CTNNA3: variants seen among roughly 807,000 people sequenced by gnomAD.
CTNNA3 encodes catenin alpha-3.
Under a neutral mutation model 95.7 loss-of-function variants are expected in CTNNA3, and 76 were observed. That is an observed-to-expected ratio of 0.79 (90% confidence interval 0.66 to 0.96). The LOEUF (loss-of-function observed/expected upper bound fraction) is 0.96. CTNNA3 is among the 40% of genes least tolerant of loss of function. The probability of loss-of-function intolerance (pLI) is 0.00; values close to 1 mark genes in which losing one functional copy is unlikely to be tolerated. For synonymous variants in CTNNA3, 431 were observed against 374.4 expected (o/e 1.15, Z -1.74); for missense variants, 1,191 against 1,089.8 (o/e 1.09, Z -1.31).
In CTNNA3 at chr10:67,358,713, C is replaced by T. The variant is rs549352048; in HGVS notation, c.580-138843G>A. Among the ~76,000 whole-genome samples the T allele has an allele frequency of 1.3e-3, 196 of 152,226 alleles. 1 individual carries two copies. The highest frequency in any genetic ancestry group is 4.5e-3 in the African/African-American group (189 of 41,556). On this transcript the variant is annotated intron_variant, in intron 5 of 17. Transcript: ENST00000433211. ...TCTGACTCTTGCCAGGCACAGAGGACCAGTGGGTCGTCAGAGAGTTGTAAG... is the reference window on the plus strand; with the variant it reads ...TCTGACTCTTGCCAGGCACAGAGGATCAGTGGGTCGTCAGAGAGTTGTAAG...
At chr10:67,427,304 G>A (rs1205361760) in intron 5 of CTNNA3, among the ~76,000 whole-genome samples, 2 of 151,958 alleles carry the variant, frequency 1.3e-5, no homozygotes, top group East Asian at 1.9e-4. Flanking sequence ...AATCCACTCT[G>A]AGTCAAAGCC....
chr10:67,468,539 G>T (rs764564462), intron 5 of CTNNA3, among the ~76,000 whole-genome samples: 1 of 152,080 alleles, frequency 6.6e-6, no homozygotes, highest in Non-Finnish European at 1.5e-5. Flanking sequence ...CCCCTCCAGG[G>T]TACAGAGATG....
At chr10:67,424,921 A>C (rs1211800056) in intron 5 of CTNNA3, among the ~76,000 whole-genome samples, 1 of 152,090 alleles carries the variant, frequency 6.6e-6, no homozygotes, top group Non-Finnish European at 1.5e-5. Context: ...ATACTCAAAA[A>C]ACATTTAATT....
At chr10:67,488,941 GC>G (rs1181036872) in intron 5 of CTNNA3, among the ~76,000 whole-genome samples, 2 of 152,066 alleles carry the variant, frequency 1.3e-5, no homozygotes, top group Admixed American at 1.3e-4. Flanking sequence ...TCGCCATGTT[GC>G]CCAGGCTGGT....
At chr10:66,984,645 C>T (rs1056246970) in intron 7 of CTNNA3, among the ~76,000 whole-genome samples, 42 of 152,246 alleles carry the variant, frequency 2.8e-4, no homozygotes, top group Middle Eastern at 3.4e-3. Context: ...TAAATATAGC[C>T]TGCAGAAGTT....
chr10:67,516,436 C>G (rs2133145234), intron 5 of CTNNA3, among the ~76,000 whole-genome samples: 1 of 152,264 alleles, frequency 6.6e-6, no homozygotes, highest in South Asian at 2.1e-4. Flanking sequence ...GTTTCATTTT[C>G]TAAGCATTTC....
chr10:66,664,444 T>C (rs1378174727), intron 9 of CTNNA3, among the ~76,000 whole-genome samples: 1 of 152,092 alleles, frequency 6.6e-6, no homozygotes, highest in Non-Finnish European at 1.5e-5. Context: ...TCATGAATAT[T>C]GGTCCCATCT....
At chr10:67,254,634 A>C (rs568079303) in intron 5 of CTNNA3, among the ~76,000 whole-genome samples, 93 of 152,340 alleles carry the variant, frequency 6.1e-4, no homozygotes, top group African/African-American at 2.2e-3. Context: ...ACGACAAACC[A>C]CATATACAAT....
intron 9 of CTNNA3, among the ~76,000 whole-genome samples, chr10:66,709,269 G>C (rs1848216287): frequency 1.3e-5 from 2 of 152,160 alleles, no homozygotes; most frequent in Middle Eastern, 3.4e-3. Context: ...TCCTGTGCTT[G>C]GATGTGGCAC....
At chr10:66,811,327 C>T (rs1841865828) in intron 7 of CTNNA3, among the ~76,000 whole-genome samples, 1 of 151,976 alleles carries the variant, frequency 6.6e-6, no homozygotes, top group African/African-American at 2.4e-5. Flanking sequence ...AGAAGAGAAA[C>T]AAAAGAGAAC....
chr10:67,600,256 G>A lies in CTNNA3; in HGVS notation c.292+6601C>T, dbSNP rs190336497. On this transcript the variant is annotated intron_variant, in intron 3 of 17. Coordinates refer to ENST00000433211, the MANE Select transcript of CTNNA3 (RefSeq NM_013266.4). Reference sequence around the variant, plus strand: ...CCCAGGTAGATTATAAAACAATAAAGCTTCCAGATAGTAACGTAAGAAAAT... The same window carrying A: ...CCCAGGTAGATTATAAAACAATAAAACTTCCAGATAGTAACGTAAGAAAAT... Among the ~76,000 whole-genome samples the A allele has an allele frequency of 8.3e-4, 126 of 152,028 alleles. 1 individual carries two copies. The East Asian group carries it at 0.019, about 23-fold the overall frequency.
chr10:66,958,838 G>A (rs1158282758), intron 7 of CTNNA3, among the ~76,000 whole-genome samples: 1 of 152,124 alleles, frequency 6.6e-6, no homozygotes, highest in Non-Finnish European at 1.5e-5. Flanking sequence ...AAAATGGGGA[G>A]AGCTAAGGTT....
intron 1 of CTNNA3, among the ~76,000 whole-genome samples, chr10:67,711,264 G>A (rs1841105986): frequency 6.6e-6 from 1 of 152,196 alleles, no homozygotes; most frequent in South Asian, 2.1e-4. Flanking sequence ...ACCCAAAAAT[G>A]CGGAAGCGAC....
intron 12 of CTNNA3, among the ~76,000 whole-genome samples, chr10:66,346,850 G>A (rs2092525395): frequency 6.6e-6 from 1 of 151,966 alleles, no homozygotes; most frequent in Admixed American, 6.6e-5. Context: ...AAGTGTGAAA[G>A]ACATTGGGCA....
intron 5 of CTNNA3, among the ~76,000 whole-genome samples, chr10:67,442,195 G>T (rs973665650): frequency 2.0e-5 from 3 of 151,526 alleles, no homozygotes; most frequent in Non-Finnish European, 4.4e-5. Context: ...AAACTTCATG[G>T]TAACCTCAAA....
At chr10:67,271,592 TA>T (rs1253250144) in intron 5 of CTNNA3, among the ~76,000 whole-genome samples, 4 of 152,200 alleles carry the variant, frequency 2.6e-5, no homozygotes, top group Non-Finnish European at 5.9e-5. Flanking sequence ...CACTTTATTT[TA>T]AAATCAGATA....
chr10:66,956,804 A>C (rs1361990444), intron 7 of CTNNA3, among the ~76,000 whole-genome samples: 4 of 152,226 alleles, frequency 2.6e-5, no homozygotes, highest in Non-Finnish European at 5.9e-5. Context: ...AAACTGATGC[A>C]GTGACAGGCT....
Position 66,199,758 on chromosome 10 carries a change from C to T in CTNNA3, c.1884+80712G>A, listed in dbSNP as rs187741142. Among the ~76,000 whole-genome samples the T allele has an allele frequency of 1.2e-4, 13 of 104,322 alleles. No homozygotes were observed. The East Asian group carries it at 2.0e-3, about 16-fold the overall frequency. 68.4% of individuals were successfully genotyped at this position (104,322 alleles called of 152,430 possible). A position where few individuals can be genotyped will look rare whatever the true frequency, so the allele number is the denominator to read the frequency against. ...CTGGGATTACAGGCGTGTGCCACCA[C>T]GCCTGGCTATATATATATATATATA... On this transcript the variant is annotated intron_variant, in intron 13 of 17. Coordinates refer to ENST00000433211, the MANE Select transcript of CTNNA3 (RefSeq NM_013266.4).
chr10:66,100,817 A>G (rs72793483), intron 14 of CTNNA3, among the ~76,000 whole-genome samples: 39,483 of 152,090 alleles, frequency 0.26, 5,169 homozygotes, highest in East Asian at 0.31. Flanking sequence ...GAAATTTTTG[A>G]AACACTTCCA....
Sources: gnomAD v4.1 joint callset for allele counts (sites outside exome capture counted in the v4.1 genomes callset) on GRCh38, gnomAD v4.1.1 for gene constraint, MANE v1.5 for transcripts, NCBI Gene and HGNC (gene_info 2026-07-23, HGNC 2026-07-21) for gene names.